A2ML1: variants seen among roughly 807,000 people sequenced by gnomAD.
The protein encoded by A2ML1 is alpha-2-macroglobulin-like protein 1.
In A2ML1, 161 loss-of-function variants were observed where a neutral mutation model predicts 181.9. The ratio of observed to expected loss-of-function variants is 0.89; its 90% CI spans 0.78 to 1.01. The LOEUF is 1.01. Ranked by LOEUF, A2ML1 falls within the 50% of genes least tolerant of loss-of-function variation. The pLI, the probability that A2ML1 is intolerant of heterozygous loss-of-function variation, is 0.00. For synonymous variants in A2ML1, 663 were observed against 666.8 expected (o/e 0.99, Z 0.09); for missense variants, 1,670 against 1,768.1 (o/e 0.94, Z 1.00).
intron 13 of A2ML1, among the ~76,000 whole-genome samples, chr12:8,845,807 G>T (rs1943654402): frequency 6.7e-6 from 1 of 149,910 alleles, no homozygotes; most frequent in Admixed American, 6.7e-5. Flanking sequence ...CCGAGATCAT[G>T]CCACTGCGCT....
intron 33 of A2ML1, 111 bp downstream of exon 33, chr12:8,869,314 G>A (rs1944542470): frequency 1.9e-6 from 2 of 1,067,202 alleles, no homozygotes; most frequent in South Asian, 1.3e-5. Context: ...GGGCCTGGGA[G>A]TGAGTCCACA....
In A2ML1 at chr12:8,850,164, C is replaced by T. The variant is rs1436837115; in HGVS notation, c.2124C>T (p.Gly708=). ...TCGTATTCTCAATTTCATCAGCAGG[C>T]GGTGGTCATCCAGAGGCTTTTGAGT... The part of the protein sequence containing the change: ...SPEYSTAMGA[G]GGHPEAFESS... The change falls in exon 18 of 36, where the codon GGC becomes GGT. Residue 708 remains glycine, a synonymous_variant. Coordinates refer to ENST00000299698, the MANE Select transcript of A2ML1 (RefSeq NM_144670.6). 19 of 1,602,286 alleles carry T rather than the reference C, an allele frequency of 1.2e-5. No homozygotes were observed. The highest frequency in any genetic ancestry group is 4.0e-5 in the African/African-American group (3 of 74,080).
In A2ML1 at chr12:8,852,988, G is replaced by T. The variant is rs1160905487; in HGVS notation, c.2590+652G>T. Among the ~76,000 whole-genome samples, 1 of 152,050 alleles carries T rather than the reference G, an allele frequency of 6.6e-6. No individual in the cohort carries two copies. The highest frequency in any genetic ancestry group is 6.6e-5 in the Admixed American group (1 of 15,256). ...TGGGATTACAGGCGTGAGCCGCTGC[G>T]CCTGGCCTTTTATTTTTTTTTAGAG... On this transcript the variant is annotated intron_variant, in intron 20 of 35. Coordinates refer to ENST00000299698, the MANE Select transcript of A2ML1 (RefSeq NM_144670.6). The surrounding 1 kb of genome is among the most constrained non-coding windows in gnomAD (Gnocchi z 4.2).
intron 3 of A2ML1, among the ~76,000 whole-genome samples, chr12:8,827,272 G>A (rs369466419): frequency 3.9e-5 from 6 of 152,164 alleles, no homozygotes; most frequent in Non-Finnish European, 5.9e-5. Context: ...CCAGGGAGGC[G>A]GAGGTCACAT....
chr12:8,835,456 AG>A (rs775114357), intron 5 of A2ML1, 50 bp from the exon 6 acceptor site: 27 of 1,607,216 alleles, frequency 1.7e-5, no homozygotes, highest in Admixed American at 1.7e-4. Flanking sequence ...TTTGCAATGC[AG>A]AGTGGGAAGC....
chr12:8,836,126 C>T (rs1943267095), intron 6 of A2ML1, 129 bp from the exon 7 acceptor site: 1 of 688,714 alleles, frequency 1.5e-6, no homozygotes, highest in African/African-American at 1.8e-5. Context: ...CAGGAACATG[C>T]TACCTAAATA....
Position 8,872,783 on chromosome 12 carries a change from C to CA in A2ML1, c.4222-1627dup, listed in dbSNP as rs570693086. On this transcript the variant is annotated intron_variant, in intron 33 of 35. Transcript: ENST00000299698. Reference sequence around the variant, plus strand: ...TGGGCAACAGAGTGAGACTCCATCTCAAAAAAAAAAAAAAAGAAAAAGAAA... The same window carrying CA: ...TGGGCAACAGAGTGAGACTCCATCTCAAAAAAAAAAAAAAAAGAAAAAGAAA... 4.7e-3 allele frequency among the ~76,000 whole-genome samples: 324 copies of CA among 68,314 alleles called. 1 individual carries two copies. Among genetic ancestry groups the CA allele is most frequent in the Middle Eastern group, 0.012 (1 of 82 alleles). The allele number at this position is 68,314 out of a possible 152,430, so 44.8% of individuals were successfully genotyped here.
intron 14 of A2ML1, 23 bp downstream of exon 14, chr12:8,846,245 T>C (rs746415872): frequency 1.9e-6 from 3 of 1,612,734 alleles, no homozygotes; most frequent in Non-Finnish European, 2.5e-6. Context: ...CGGAGAAGGG[T>C]GAAGATAAAA....
intron 3 of A2ML1, among the ~76,000 whole-genome samples, chr12:8,824,089 G>C (rs1309816481): frequency 6.6e-6 from 1 of 152,104 alleles, no homozygotes; most frequent in African/African-American, 2.4e-5. Context: ...TACTGAGTTT[G>C]TGTATCTAAA....
Position 8,823,381 on chromosome 12 carries a change from G to T in A2ML1, c.246+16G>T. On this transcript the variant is annotated intron_variant, in intron 2 of 35. Coordinates refer to ENST00000299698, the MANE Select transcript of A2ML1 (RefSeq NM_144670.6). The stretch of plus-strand genomic sequence containing the variant: ...CTCCTTTCTTGTAAGCACAGACTCA[G>T]CCCTCACTCGAATCCCTTACTTGCC... 1 of 1,605,682 alleles carries T rather than the reference G, an allele frequency of 6.2e-7. No homozygotes were observed. Among genetic ancestry groups the T allele is most frequent in the Non-Finnish European group, 8.5e-7 (1 of 1,175,494 alleles).
downstream of A2ML1, among the ~76,000 whole-genome samples, chr12:8,877,389 G>A (rs1402360853): frequency 6.6e-6 from 1 of 152,092 alleles, no homozygotes; most frequent in Non-Finnish European, 1.5e-5. Flanking sequence ...ACTATCAACA[G>A]AGTAAACAGA....
chr12:8,883,517 G>A (rs989192223), intron 7 of A2ML1, among the ~76,000 whole-genome samples: 3 of 151,582 alleles, frequency 2.0e-5, no homozygotes, highest in Admixed American at 2.0e-4. Flanking sequence ...CACTCTTGTT[G>A]CCCAGGCTGG....
intron 11 of A2ML1, among the ~76,000 whole-genome samples, chr12:8,842,454 C>T (rs945283762): frequency 1.2e-4 from 19 of 152,122 alleles, no homozygotes; most frequent in East Asian, 5.8e-4. Context: ...CTCCTGACCT[C>T]GTGATCCGCC....
rs1161178354 is a variant in A2ML1 at position 8,845,516 on chromosome 12, C to T, written c.1537+14C>T. On this transcript the variant is annotated intron_variant, in intron 13 of 35. Transcript: ENST00000299698. The stretch of plus-strand genomic sequence containing the variant: ...CTAAGAAGAAAGGTGAGTGTACATG[C>T]TTTTCCCGGAAGCAAACAGGATATT... 4 of 1,613,914 alleles carry T rather than the reference C, an allele frequency of 2.5e-6. No individual in the cohort carries two copies. Among genetic ancestry groups the T allele is most frequent in the Non-Finnish European group, 3.4e-6 (4 of 1,179,854 alleles).
At chr12:8,859,813 G>A (rs145376530) in intron 26 of A2ML1, among the ~76,000 whole-genome samples, 2 of 152,040 alleles carry the variant, frequency 1.3e-5, no homozygotes, top group East Asian at 1.9e-4. Flanking sequence ...TGATCCACCC[G>A]CCTTGACCTC....
intron 28 of A2ML1, among the ~76,000 whole-genome samples, chr12:8,862,159 T>C (rs11047658): frequency 0.94 from 143,041 of 152,300 alleles, 67,824 homozygotes; most frequent in East Asian, 1. Flanking sequence ...TCTTTGAAAG[T>C]GCTTTGATGT....
intron 10 of A2ML1, among the ~76,000 whole-genome samples, chr12:8,839,825 G>A (rs771492923): frequency 2.0e-5 from 3 of 152,062 alleles, no homozygotes; most frequent in South Asian, 2.1e-4. Context: ...TCTGTTCACC[G>A]CAACCTCCAC....
At chr12:8,836,152 G>C (rs12371115) in intron 6 of A2ML1, 103 bp from the exon 7 acceptor site, 5 of 868,718 alleles carry the variant, frequency 5.8e-6, no homozygotes, top group Non-Finnish European at 9.3e-6. Flanking sequence ...TCCTTCATTA[G>C]ATCCATTAAT....
chr12:8,857,543 G>A lies in A2ML1; in HGVS notation c.3062G>A (p.Gly1021Asp). The A allele has an allele frequency of 1.2e-6, 2 of 1,612,424 alleles. No individual in the cohort carries two copies. Among genetic ancestry groups the A allele is most frequent in the Admixed American group, 1.7e-5 (1 of 59,696 alleles). Residue 1021 changes from glycine to aspartate, a missense_variant, in exon 25 of 36, where the codon GGC becomes GAC. Transcript: ENST00000299698. ...QKELMYKHSNGSYSAFGERDG... is the reference protein window; with the variant it reads ...QKELMYKHSNDSYSAFGERDG... ...GAGCTGATGTACAAACACAGCAATGGCTCATACAGTGCCTTTGGGGAGCGA... is the reference window on the plus strand; with the variant it reads ...GAGCTGATGTACAAACACAGCAATGACTCATACAGTGCCTTTGGGGAGCGA...
Sources: allele counts gnomAD v4.1 joint callset (sites outside exome capture counted in the v4.1 genomes callset), GRCh38; gene constraint gnomAD v4.1.1; non-coding constraint Gnocchi (gnomAD v3.1); transcripts MANE v1.5; gene names NCBI Gene and HGNC (gene_info 2026-07-23, HGNC 2026-07-21).